AUTS2: variants seen among roughly 807,000 people sequenced by gnomAD.
The protein encoded by AUTS2 is activator of transcription and developmental regulator AUTS2, also known as autism susceptibility gene 2 protein.
A neutral mutation model predicts 112.4 loss-of-function variants in AUTS2; 17 were observed. The ratio of observed to expected loss-of-function variants is 0.15; its 90% CI spans 0.10 to 0.23. The LOEUF (loss-of-function observed/expected upper bound fraction) is 0.23, where lower values mean the gene tolerates loss of function less well. AUTS2 is among the 10% of genes least tolerant of loss of function. The pLI is 1.00. For missense variants in AUTS2, 1,510 were observed against 1,701.6 expected (o/e 0.89, Z 1.98); for synonymous variants, 751 against 702.7 (o/e 1.07, Z -1.09).
intron 1 of AUTS2, among the ~76,000 whole-genome samples, chr7:69,848,202 C>CCT (rs1327701728): frequency 1.3e-5 from 2 of 152,154 alleles, no homozygotes; most frequent in Non-Finnish European, 2.9e-5. Flanking sequence ...CCTGAAAATA[C>CCT]GAGCTACTTC....
intron 1 of AUTS2, among the ~76,000 whole-genome samples, chr7:69,779,763 C>CA (rs767635631): frequency 0.028 from 1,890 of 66,422 alleles, 62 homozygotes; most frequent in African/African-American, 0.087. Context: ...GACTCCATCT[C>CA]AAAAAAAAAA....
chr7:70,287,618 A>G (rs1788520808), intron 4 of AUTS2, among the ~76,000 whole-genome samples: 1 of 152,192 alleles, frequency 6.6e-6, no homozygotes, highest in Admixed American at 6.5e-5. Context: ...TAAAATTAAA[A>G]TAACATTCTC....
intron 5 of AUTS2, among the ~76,000 whole-genome samples, chr7:70,458,026 CAA>C (rs1796814527): frequency 6.7e-6 from 1 of 148,466 alleles, no homozygotes; most frequent in Admixed American, 6.7e-5. Context: ...AGGCTGAACA[CAA>C]AGCCCCACAA....
chr7:69,651,961 T>TA (rs1795309208), intron 1 of AUTS2, among the ~76,000 whole-genome samples: 1 of 152,186 alleles, frequency 6.6e-6, no homozygotes, highest in South Asian at 2.1e-4. Flanking sequence ...CTTTAGTTTT[T>TA]AGATTATTGT....
intron 4 of AUTS2, among the ~76,000 whole-genome samples, chr7:70,210,606 G>T (rs934917674): frequency 6.6e-6 from 1 of 152,130 alleles, no homozygotes. Flanking sequence ...CTTCTGGAAG[G>T]GGCCAAGACA....
At chr7:70,610,416 C>T (rs2158618) in intron 5 of AUTS2, among the ~76,000 whole-genome samples, 19,665 of 139,266 alleles carry the variant, frequency 0.14, 1,584 homozygotes, top group Middle Eastern at 0.23. Flanking sequence ...CAAAACTTAG[C>T]GCTCATCTTT....
chr7:70,751,634 T>C (rs577051703), intron 6 of AUTS2, among the ~76,000 whole-genome samples: 1 of 152,314 alleles, frequency 6.6e-6, no homozygotes, highest in Non-Finnish European at 1.5e-5. Context: ...TCCATACATG[T>C]TTGTTTGAAA....
intron 17 of AUTS2, chr7:70,786,826 T>TCTA: frequency 2.9e-6 from 1 of 344,438 alleles, no homozygotes; most frequent in South Asian, 2.3e-5. Context: ...GACAGTGACT[T>TCTA]CTACTGTGAA....
chr7:70,061,551 C>A (rs766848399), intron 2 of AUTS2, among the ~76,000 whole-genome samples: 1 of 151,964 alleles, frequency 6.6e-6, no homozygotes, highest in African/African-American at 2.4e-5. Context: ...TGGCATTATC[C>A]CTTGACTGTT....
chr7:70,678,892 G>A (rs1808063601), intron 5 of AUTS2, among the ~76,000 whole-genome samples: 1 of 152,140 alleles, frequency 6.6e-6, no homozygotes, highest in Non-Finnish European at 1.5e-5. Flanking sequence ...TAAATTCAAA[G>A]CTGTGGTTTT....
intron 5 of AUTS2, among the ~76,000 whole-genome samples, chr7:70,471,772 G>A (rs1238846202): frequency 2.0e-5 from 3 of 152,256 alleles, no homozygotes; most frequent in East Asian, 1.9e-4. Context: ...GCATTTAAGC[G>A]AAGATCTGAA....
intron 5 of AUTS2, among the ~76,000 whole-genome samples, chr7:70,452,579 A>G (rs1014320358): frequency 6.6e-6 from 1 of 152,080 alleles, no homozygotes; most frequent in African/African-American, 2.4e-5. Context: ...AAACCATAAC[A>G]CACATTAGCA....
intron 2 of AUTS2, among the ~76,000 whole-genome samples, chr7:69,989,992 C>G (rs994102797): frequency 6.6e-6 from 1 of 152,118 alleles, no homozygotes; most frequent in Non-Finnish European, 1.5e-5. Context: ...CCTCCCATCC[C>G]CAGGTCTGTG....
At chr7:69,964,906 C>A (rs1414881958) in intron 2 of AUTS2, among the ~76,000 whole-genome samples, 1 of 152,028 alleles carries the variant, frequency 6.6e-6, no homozygotes, top group Non-Finnish European at 1.5e-5. Flanking sequence ...TGGCCTCACT[C>A]CTTTCCTTGT....
intron 1 of AUTS2, among the ~76,000 whole-genome samples, chr7:69,621,356 T>A (rs1793650572): frequency 6.6e-6 from 1 of 152,154 alleles, no homozygotes; most frequent in Non-Finnish European, 1.5e-5. Flanking sequence ...GGACTTTCAC[T>A]CTTTTTTCTA....
chr7:70,211,130 A>G (rs905965505), intron 4 of AUTS2, among the ~76,000 whole-genome samples: 1 of 152,144 alleles, frequency 6.6e-6, no homozygotes, highest in Non-Finnish European at 1.5e-5. Context: ...GTGAGATGGC[A>G]GTCTCGCCTG....
chr7:69,678,569 T>G (rs1040426899), intron 1 of AUTS2, among the ~76,000 whole-genome samples: 1 of 152,222 alleles, frequency 6.6e-6, no homozygotes, highest in African/African-American at 2.4e-5. Context: ...CAGGCTGAAC[T>G]GGTGCTTTGC....
At chr7:70,782,807 G>A (rs1791179095) in intron 15 of AUTS2, 1 of 152,120 alleles carries the variant, frequency 6.6e-6, no homozygotes, top group Non-Finnish European at 1.5e-5. Flanking sequence ...GTGGACCTCT[G>A]GCTCTTCTGT....
chr7:70,160,930 G>T (rs758504385), intron 4 of AUTS2, among the ~76,000 whole-genome samples: 8 of 152,174 alleles, frequency 5.3e-5, no homozygotes, highest in Admixed American at 1.3e-4. Flanking sequence ...TTGTGGAAGG[G>T]AATGATTGTA....
Sources: allele counts gnomAD v4.1 joint callset (sites outside exome capture counted in the v4.1 genomes callset), GRCh38; gene constraint gnomAD v4.1.1; transcripts MANE v1.5; gene names NCBI Gene and HGNC (gene_info 2026-07-23, HGNC 2026-07-21).